The following SRRM3 variants were observed in gnomAD, a reference collection of about 807,000 sequenced individuals.
The protein encoded by SRRM3 is serine/arginine repetitive matrix 3, also known as serine/arginine repetitive matrix protein 3.
In SRRM3, 27 loss-of-function variants were observed where a neutral mutation model predicts 66.2. That is an observed-to-expected ratio of 0.41 (90% CI 0.30 to 0.56). SRRM3 has a LOEUF of 0.56. Ranked by LOEUF, SRRM3 falls within the 20% of genes least tolerant of loss-of-function variation. The pLI is 0.32. For missense variants in SRRM3, 918 were observed against 991.9 expected (o/e 0.93, Z 1.00); for synonymous variants, 391 against 414.9 (o/e 0.94, Z 0.70).
chr7:76,223,132 G>A (rs1414221740), intron 1 of SRRM3, among the ~76,000 whole-genome samples: 1 of 152,182 alleles, frequency 6.6e-6, no homozygotes, highest in African/African-American at 2.4e-5. Context: ...AGCATGATAA[G>A]CACCAGTGCT....
At chr7:76,247,699 C>T (rs1801476406) in intron 2 of SRRM3, among the ~76,000 whole-genome samples, 1 of 151,814 alleles carries the variant, frequency 6.6e-6, no homozygotes, top group Admixed American at 6.6e-5. Context: ...TGTTTTGTTG[C>T]TGTTGTTTGT....
intron 11 of SRRM3, chr7:76,269,974 A>G (rs375179225): frequency 1.3e-5 from 2 of 151,714 alleles, no homozygotes; most frequent in African/African-American, 4.8e-5. Context: ...AAAAGGGAAG[A>G]TAACTCTAAA....
intron 2 of SRRM3, 45 bp from the exon 3 acceptor site, chr7:76,248,143 C>T: frequency 6.5e-7 from 1 of 1,537,024 alleles, no homozygotes; most frequent in Non-Finnish European, 8.9e-7. Flanking sequence ...AAGAGGGAAC[C>T]AAATCTGGGA....
chr7:76,236,005 C>CAAAAAAAA lies in SRRM3; in HGVS notation c.233+724_233+731dup, dbSNP rs1161706465. ...TGGGCAACAGATCGAGATTCTGTCT[C>CAAAAAAAA]AAAAAAAAAAAAAAAAAAAAAAAAA... On this transcript the variant is annotated intron_variant, in intron 2 of 14. Coordinates refer to ENST00000611745, the MANE Select transcript of SRRM3 (RefSeq NM_001110199.3). Among the ~76,000 whole-genome samples, 11 of 20,274 alleles carry CAAAAAAAA rather than the reference C, an allele frequency of 5.4e-4. 1 individual carries two copies. The highest frequency in any genetic ancestry group is 1.8e-3 in the African/African-American group (11 of 6,224). The allele number at this position is 20,274 out of a possible 152,430, so 13.3% of individuals were successfully genotyped here.
intron 1 of SRRM3, among the ~76,000 whole-genome samples, chr7:76,233,065 G>A (rs1801052077): frequency 6.6e-6 from 1 of 152,144 alleles, no homozygotes; most frequent in African/African-American, 2.4e-5. Context: ...TACTTTGGGA[G>A]GCCAAAGTGG....
chr7:76,202,565 G>T (rs1479103038), intron 1 of SRRM3, among the ~76,000 whole-genome samples: 1 of 152,146 alleles, frequency 6.6e-6, no homozygotes, highest in Non-Finnish European at 1.5e-5. Flanking sequence ...GCAGGAGCTG[G>T]CAAGGAGAAC....
intron 2 of SRRM3, among the ~76,000 whole-genome samples, chr7:76,238,506 G>A (rs1554605229): frequency 1.3e-5 from 2 of 152,000 alleles, no homozygotes; most frequent in South Asian, 2.1e-4. Flanking sequence ...GATTGATGGC[G>A]TACTTGGAGT....
chr7:76,202,854 C>T (rs1554600765), intron 1 of SRRM3, among the ~76,000 whole-genome samples: 1 of 152,162 alleles, frequency 6.6e-6, no homozygotes, highest in African/African-American at 2.4e-5. Context: ...CCTGCAGTTC[C>T]TACTCCTGAC....
chr7:76,213,668 T>A (rs1303999557), intron 1 of SRRM3, among the ~76,000 whole-genome samples: 1 of 152,108 alleles, frequency 6.6e-6, no homozygotes, highest in Non-Finnish European at 1.5e-5. Context: ...TCTCTCAGGG[T>A]TTCTCTGTAG....
intron 9 of SRRM3, 109 bp downstream of exon 9, chr7:76,264,924 C>G: frequency 8.1e-7 from 1 of 1,235,432 alleles, no homozygotes; most frequent in South Asian, 1.5e-5. Flanking sequence ...CTCATTTTGC[C>G]CAGATGGAAA....
At chr7:76,246,428 G>A (rs547604299) in intron 2 of SRRM3, among the ~76,000 whole-genome samples, 1 of 152,218 alleles carries the variant, frequency 6.6e-6, no homozygotes, top group Non-Finnish European at 1.5e-5. Context: ...GCCAGGCATG[G>A]TGGCAGGCTC....
At chr7:76,231,709 C>A (rs1396061737) in intron 1 of SRRM3, among the ~76,000 whole-genome samples, 1 of 152,242 alleles carries the variant, frequency 6.6e-6, no homozygotes. Context: ...AAACAGCCAA[C>A]TGAATCTCGG....
intron 14 of SRRM3, among the ~76,000 whole-genome samples, chr7:76,284,513 C>T (rs1371462980): frequency 6.6e-6 from 1 of 152,160 alleles, no homozygotes; most frequent in Non-Finnish European, 1.5e-5. Flanking sequence ...CCTCTCCCAC[C>T]TCCTGTCCAG....
intron 1 of SRRM3, among the ~76,000 whole-genome samples, chr7:76,223,164 T>A (rs781786831): frequency 4.6e-5 from 7 of 152,096 alleles, no homozygotes; most frequent in Non-Finnish European, 1.0e-4. Context: ...ATTTCTCTCG[T>A]GTCCTCTGGT....
chr7:76,270,968 T>A (rs1216502514), intron 11 of SRRM3, among the ~76,000 whole-genome samples: 1 of 150,474 alleles, frequency 6.6e-6, no homozygotes, highest in Non-Finnish European at 1.5e-5. Flanking sequence ...AGAGCGAGAC[T>A]CTGTCTCAAA....
rs1375189142 is a variant in SRRM3, at chr7:76,260,995, G to C, written c.575+92G>C. On this transcript the variant is annotated intron_variant, in intron 6 of 14. Coordinates refer to ENST00000611745, the MANE Select transcript of SRRM3 (RefSeq NM_001110199.3). ...CCATCCCCCAGAGGCCGGAGGCCTG[G>C]ACCCTCAGGGCCTGCACCTGGACAC... 4 of 1,367,586 alleles carry C rather than the reference G, an allele frequency of 2.9e-6. No individual in the cohort carries two copies. The East Asian group carries it at 1.0e-4, about 34-fold the overall frequency. 84.7% of individuals were successfully genotyped at this position (1,367,586 alleles called of 1,614,324 possible).
chr7:76,270,242 C>T (rs2117085522), intron 11 of SRRM3, among the ~76,000 whole-genome samples: 1 of 152,282 alleles, frequency 6.6e-6, no homozygotes, highest in South Asian at 2.1e-4. Context: ...ATGGGCTGGA[C>T]ACAGGGGACA....
chr7:76,259,306 A>C (rs1435694708), intron 3 of SRRM3, among the ~76,000 whole-genome samples: 2 of 151,940 alleles, frequency 1.3e-5, no homozygotes, highest in Non-Finnish European at 2.9e-5. Context: ...CCACGACTGC[A>C]GGGTGGCTCA....
intron 1 of SRRM3, among the ~76,000 whole-genome samples, chr7:76,223,269 C>T (rs1800769898): frequency 6.6e-6 from 1 of 152,084 alleles, no homozygotes; most frequent in South Asian, 2.1e-4. Context: ...TGGTCCTTAC[C>T]CCCCCAGCCC....
Sources: gnomAD v4.1 joint callset for allele counts (sites outside exome capture counted in the v4.1 genomes callset) on GRCh38, gnomAD v4.1.1 for gene constraint, MANE v1.5 for transcripts, NCBI Gene and HGNC (gene_info 2026-07-23, HGNC 2026-07-21) for gene names.